The following APP variants were observed in gnomAD, a reference collection of about 807,000 sequenced individuals.
APP encodes amyloid beta precursor protein.
APP carries 31 observed loss-of-function variants against 101.4 expected under a neutral mutation model. The observed-to-expected ratio is 0.31, with a 90% CI of 0.23 to 0.41. The LOEUF is 0.41. APP is among the 10% of genes least tolerant of loss of function. APP has a pLI of 1.00. For missense variants in APP, 839 were observed against 1,003.7 expected (o/e 0.84, Z 2.22); for synonymous variants, 366 against 364.4 (o/e 1.00, Z -0.05).
intron 12 of APP, 76 bp from the exon 13 acceptor site, chr21:25,954,765 T>C (rs1601015042): frequency 7.5e-7 from 1 of 1,336,430 alleles, no homozygotes; most frequent in Admixed American, 2.0e-5. Flanking sequence ...TTTTTTTCTT[T>C]TTTTTTTGAG....
At chr21:25,910,445 A>G (rs1280950427) in intron 14 of APP, among the ~76,000 whole-genome samples, 1 of 152,188 alleles carries the variant, frequency 6.6e-6, no homozygotes, top group African/African-American at 2.4e-5. Flanking sequence ...GGTATATTAT[A>G]AATATGAAAT....
chr21:26,108,002 C>A (rs1471093555), intron 2 of APP, among the ~76,000 whole-genome samples: 1 of 152,178 alleles, frequency 6.6e-6, no homozygotes, highest in African/African-American at 2.4e-5. Context: ...TGTTCCCTGA[C>A]TTGCAACATG....
At chr21:25,911,641 A>G in intron 14 of APP, 100 bp downstream of exon 14, 1 of 1,109,932 alleles carries the variant, frequency 9.0e-7, no homozygotes, top group Non-Finnish European at 1.3e-6. Context: ...AAAATTCACC[A>G]CTCAAGAACA....
intron 6 of APP, among the ~76,000 whole-genome samples, chr21:26,006,308 A>G (rs187141295): frequency 2.7e-4 from 41 of 152,318 alleles, no homozygotes; most frequent in Non-Finnish European, 1.5e-5. Flanking sequence ...CACTTATCTG[A>G]ATTCTGCTGG....
Position 25,882,545 on chromosome 21 carries a change from C to T in APP, c.2212-774G>A, listed in dbSNP as rs192261044. Among the ~76,000 whole-genome samples, 9 of 151,776 alleles carry T rather than the reference C, an allele frequency of 5.9e-5. No individual in the cohort carries two copies. The East Asian group carries it at 1.7e-3, about 29-fold the overall frequency. ...AGTAACTGAAGACGTTTTTCTCCCC[C>T]TGTCACTGTTAGAGCTGTGTGTGGC... On this transcript the variant is annotated intron_variant, in intron 17 of 17. Coordinates refer to ENST00000346798, the MANE Select transcript of APP (RefSeq NM_000484.4).
intron 3 of APP, among the ~76,000 whole-genome samples, chr21:26,061,975 G>T (rs1406896968): frequency 6.6e-6 from 1 of 152,074 alleles, no homozygotes; most frequent in East Asian, 1.9e-4. Flanking sequence ...CAGCACTTTG[G>T]GAGGCCGAGG....
chr21:25,936,582 T>C (rs2040373527), intron 13 of APP, among the ~76,000 whole-genome samples: 2 of 152,156 alleles, frequency 1.3e-5, no homozygotes, highest in African/African-American at 4.8e-5. Flanking sequence ...CACCTCTCTT[T>C]CTCTCTGAGA....
chr21:25,960,499 C>T (rs1173728983), intron 11 of APP, among the ~76,000 whole-genome samples: 1 of 152,146 alleles, frequency 6.6e-6, no homozygotes, highest in African/African-American at 2.4e-5. Flanking sequence ...ATTCCAGCCT[C>T]TGTATAAGGG....
At position 26,147,809 on chromosome 21, in the gene APP, CAA is replaced by C. The variant is rs61485913; in HGVS notation, c.57+22753_57+22754del. Among the ~76,000 whole-genome samples, 89 of 147,570 alleles carry C rather than the reference CAA, an allele frequency of 6.0e-4. 1 individual carries two copies. Among genetic ancestry groups the C allele is most frequent in the Admixed American group, 1.9e-3 (28 of 14,822 alleles). On this transcript the variant is annotated intron_variant, in intron 1 of 17. Transcript: ENST00000346798. ...ACACACACCGGGCTAATCAGAACAT[CAA>C]AAAAAAAACCTGAAGTCTCTTGGAA... is the stretch of plus-strand genomic sequence containing the variant.
chr21:26,169,873 G>C (rs951675368), intron 1 of APP, among the ~76,000 whole-genome samples: 2 of 152,204 alleles, frequency 1.3e-5, no homozygotes, highest in African/African-American at 4.8e-5. Flanking sequence ...CCCATTTCTC[G>C]CAAGTTACAC....
At chr21:26,023,373 T>TAA (rs35579863) in intron 5 of APP, among the ~76,000 whole-genome samples, 2,601 of 109,768 alleles carry the variant, frequency 0.024, 68 homozygotes, top group African/African-American at 0.063. Flanking sequence ...CCAAAAAAAT[T>TAA]AAAAAAAAAA....
rs564019130 is a variant in APP at position 25,936,834 on chromosome 21, T to C, written c.1687+17756A>G. On this transcript the variant is annotated intron_variant, in intron 13 of 17. Transcript: ENST00000346798. ...ACAAAAGAAAGAGCACAGGTCAGAA[T>C]AGCTTTTTCTAGAGGATTCTGTTTT... Among the ~76,000 whole-genome samples the C allele has an allele frequency of 4.1e-4, 63 of 152,314 alleles. 1 individual carries two copies. The highest frequency in any genetic ancestry group is 1.5e-3 in the African/African-American group (61 of 41,574).
chr21:25,909,034 C>T (rs376110492), intron 14 of APP, among the ~76,000 whole-genome samples: 5 of 151,980 alleles, frequency 3.3e-5, no homozygotes, highest in Non-Finnish European at 5.9e-5. Flanking sequence ...GAGGCTGAGG[C>T]GGGCGGATCA....
intron 3 of APP, among the ~76,000 whole-genome samples, chr21:26,084,295 G>A (rs1438189646): frequency 7.2e-6 from 1 of 139,032 alleles, no homozygotes; most frequent in Admixed American, 7.9e-5. Flanking sequence ...CTGGAGCGCA[G>A]TGGCGCGATC....
intron 1 of APP, among the ~76,000 whole-genome samples, chr21:26,166,391 G>A (rs780022025): frequency 1.5e-4 from 23 of 152,180 alleles, no homozygotes; most frequent in Non-Finnish European, 2.9e-4. Context: ...TGCAAAAGAC[G>A]GCATTTCCCA....
intron 2 of APP, among the ~76,000 whole-genome samples, chr21:26,102,811 G>A (rs1432812997): frequency 6.9e-6 from 1 of 144,150 alleles, no homozygotes; most frequent in Non-Finnish European, 1.5e-5. Flanking sequence ...AATCACTTGA[G>A]CCCAGGATGC....
chr21:25,981,320 A>T (rs2042422281), intron 9 of APP, among the ~76,000 whole-genome samples: 1 of 152,226 alleles, frequency 6.6e-6, no homozygotes, highest in Non-Finnish European at 1.5e-5. Flanking sequence ...CTAAGACAAA[A>T]ATTTCTCCTA....
intron 3 of APP, among the ~76,000 whole-genome samples, chr21:26,077,775 GA>G (rs796489181): frequency 0.036 from 3,117 of 86,942 alleles, 78 homozygotes; most frequent in African/African-American, 0.11. Context: ...ACAGGAGAAG[GA>G]AAAAAAAAAA....
chr21:25,966,339 T>TC (rs961535485), intron 11 of APP, among the ~76,000 whole-genome samples: 2 of 152,112 alleles, frequency 1.3e-5, no homozygotes, highest in African/African-American at 2.4e-5. Context: ...AGCTAATGAG[T>TC]CCCCCTTTGC....
Sources: gnomAD v4.1 joint callset for allele counts (sites outside exome capture counted in the v4.1 genomes callset) on GRCh38, gnomAD v4.1.1 for gene constraint, MANE v1.5 for transcripts, NCBI Gene and HGNC (gene_info 2026-07-23, HGNC 2026-07-21) for gene names.